DLG2: variants seen among roughly 807,000 people sequenced by gnomAD.
DLG2 encodes the protein disks large homolog 2.
Under a neutral mutation model 132.5 loss-of-function variants are expected in DLG2, and 45 were observed. The observed-to-expected ratio is 0.34, with a 90% CI of 0.27 to 0.44. The LOEUF (loss-of-function observed/expected upper bound fraction) is 0.44, where lower values mean the gene tolerates loss of function less well. Among genes scored for constraint, DLG2 ranks in the 20% least tolerant of loss-of-function variants. The pLI is 1.00. For synonymous variants in DLG2, 424 were observed against 419.6 expected (o/e 1.01, Z -0.13); for missense variants, 1,045 against 1,196.9 (o/e 0.87, Z 1.87).
chr11:83,902,788 CT>C (rs1027380911), intron 15 of DLG2, among the ~76,000 whole-genome samples: 1 of 152,050 alleles, frequency 6.6e-6, no homozygotes, highest in Middle Eastern at 3.2e-3. Flanking sequence ...TTTCCTGCCC[CT>C]GAGGATAAAA....
intron 6 of DLG2, among the ~76,000 whole-genome samples, chr11:84,804,511 T>G (rs1296787567): frequency 6.6e-6 from 1 of 152,150 alleles, no homozygotes; most frequent in Non-Finnish European, 1.5e-5. Flanking sequence ...AAGGAAGCAG[T>G]TAAAACAACT....
rs978777300 is a variant in DLG2 at position 84,558,089 on chromosome 11, A to C, written c.358-23358T>G. The stretch of plus-strand genomic sequence containing the variant: ...TATATGTAAGGGGTGAGAAAGATAA[A>C]GGAGTCAAGGATCATTCAAAGATTT... On this transcript the variant is annotated intron_variant, in intron 6 of 27. Coordinates refer to ENST00000376104, the MANE Select transcript of DLG2 (RefSeq NM_001142699.3). Among the ~76,000 whole-genome samples, 6 of 152,204 alleles carry C rather than the reference A, an allele frequency of 3.9e-5. No individual in the cohort carries two copies. The South Asian group carries it at 1.2e-3, about 31-fold the overall frequency.
At chr11:85,606,452 A>G (rs1227361127) in intron 2 of DLG2, among the ~76,000 whole-genome samples, 1 of 152,212 alleles carries the variant, frequency 6.6e-6, no homozygotes, top group Non-Finnish European at 1.5e-5. Context: ...TAATGCACCA[A>G]TCAGCACTTG....
chr11:84,775,750 T>A lies in DLG2; in HGVS notation c.358-241019A>T, dbSNP rs2070360786. Among the ~76,000 whole-genome samples, 6 of 152,160 alleles carry A rather than the reference T, an allele frequency of 3.9e-5. No individual in the cohort carries two copies. In the South Asian group the frequency reaches 1.2e-3, roughly 31 times the overall value. ...GACACTGGGTACTACTGGAGGGGGA[T>A]GGTACAGCAAGGGGCAAGGTTGAAA... On this transcript the variant is annotated intron_variant, in intron 6 of 27. Transcript: ENST00000376104.
intron 17 of DLG2, among the ~76,000 whole-genome samples, chr11:83,793,488 G>A (rs1008282571): frequency 1.3e-5 from 2 of 152,068 alleles, no homozygotes; most frequent in Non-Finnish European, 2.9e-5. Flanking sequence ...ACAATTTCTT[G>A]GACGTTTCCT....
At chr11:83,862,597 C>A (rs1474741717) in intron 16 of DLG2, among the ~76,000 whole-genome samples, 2 of 151,510 alleles carry the variant, frequency 1.3e-5, no homozygotes, top group African/African-American at 4.9e-5. Context: ...AATTAAAGTG[C>A]ATAATTGGAT....
At chr11:84,586,662 T>A (rs148865950) in intron 6 of DLG2, among the ~76,000 whole-genome samples, 1,847 of 152,278 alleles carry the variant, frequency 0.012, 29 homozygotes, top group Middle Eastern at 0.037. Context: ...TTTGTTTTTG[T>A]CATACACTTT....
chr11:83,499,876 T>TATAG (rs1371512953), intron 21 of DLG2, among the ~76,000 whole-genome samples: 19 of 122,102 alleles, frequency 1.6e-4, no homozygotes, highest in Non-Finnish European at 2.7e-4. Context: ...TATATATATA[T>TATAG]ATATATATAT....
At chr11:84,655,055 C>T (rs1682671304) in intron 6 of DLG2, among the ~76,000 whole-genome samples, 1 of 152,110 alleles carries the variant, frequency 6.6e-6, no homozygotes, top group African/African-American at 2.4e-5. Flanking sequence ...AATTGAAGTT[C>T]CATGTGTAAT....
chr11:85,174,272 T>G (rs2079070413), intron 4 of DLG2, among the ~76,000 whole-genome samples: 1 of 152,170 alleles, frequency 6.6e-6, no homozygotes, highest in Non-Finnish European at 1.5e-5. Flanking sequence ...ACAAACAGCC[T>G]TTCATACCAA....
At chr11:84,957,082 C>T (rs887436645) in intron 6 of DLG2, among the ~76,000 whole-genome samples, 8 of 152,094 alleles carry the variant, frequency 5.3e-5, no homozygotes, top group Non-Finnish European at 1.0e-4. Flanking sequence ...ACTAATTTTA[C>T]CCTTACAACA....
chr11:85,024,549 G>T (rs1041144902), intron 6 of DLG2, among the ~76,000 whole-genome samples: 2 of 152,136 alleles, frequency 1.3e-5, no homozygotes, highest in Non-Finnish European at 2.9e-5. Context: ...AAGCCCAAAA[G>T]AAACGAATAA....
chr11:85,508,827 C>G (rs895142615), intron 3 of DLG2, among the ~76,000 whole-genome samples: 1 of 151,936 alleles, frequency 6.6e-6, no homozygotes, highest in South Asian at 2.1e-4. Flanking sequence ...TAGCACCTAG[C>G]TTAGCATCTG....
chr11:85,140,760 A>C (rs549586957), intron 5 of DLG2, among the ~76,000 whole-genome samples: 1 of 151,896 alleles, frequency 6.6e-6, no homozygotes, highest in African/African-American at 2.4e-5. Flanking sequence ...TTAGGTAGCC[A>C]TCATTATACT....
intron 7 of DLG2, among the ~76,000 whole-genome samples, chr11:84,406,015 T>C (rs1244955303): frequency 6.6e-6 from 1 of 152,176 alleles, no homozygotes; most frequent in African/African-American, 2.4e-5. Context: ...GTCACAGTTT[T>C]GTTATTCACT....
chr11:84,442,773 T>C (rs938824458), intron 7 of DLG2, among the ~76,000 whole-genome samples: 2 of 152,042 alleles, frequency 1.3e-5, no homozygotes, highest in African/African-American at 2.4e-5. Flanking sequence ...AAATGTATGA[T>C]GCTCAGGGAT....
chr11:85,496,160 G>C (rs911663034), intron 3 of DLG2, among the ~76,000 whole-genome samples: 1 of 152,162 alleles, frequency 6.6e-6, no homozygotes, highest in Non-Finnish European at 1.5e-5. Flanking sequence ...GGGAAGCCAT[G>C]AGTTACTGTA....
chr11:85,477,476 C>T (rs1251850331), intron 3 of DLG2, among the ~76,000 whole-genome samples: 5 of 152,182 alleles, frequency 3.3e-5, no homozygotes, highest in Non-Finnish European at 5.9e-5. Context: ...TATTCTACTA[C>T]TACGGAAGAT....
rs1361367461 is a variant in DLG2 at position 84,602,581 on chromosome 11, C to T, written c.358-67850G>A. Among the ~76,000 whole-genome samples, 4 of 152,066 alleles carry T rather than the reference C, an allele frequency of 2.6e-5. No homozygotes were observed. In the South Asian group the frequency reaches 6.2e-4, roughly 24 times the overall value. On this transcript the variant is annotated intron_variant, in intron 6 of 27. Coordinates refer to ENST00000376104, the MANE Select transcript of DLG2 (RefSeq NM_001142699.3). Reference sequence around the variant, plus strand: ...GCTCTGTAAACCATATACCAGTGATCCCATCTACATATATTAAAACAACCT... The same window carrying T: ...GCTCTGTAAACCATATACCAGTGATTCCATCTACATATATTAAAACAACCT...
Sources: allele counts gnomAD v4.1 joint callset (sites outside exome capture counted in the v4.1 genomes callset), GRCh38; gene constraint gnomAD v4.1.1; transcripts MANE v1.5; gene names NCBI Gene and HGNC (gene_info 2026-07-23, HGNC 2026-07-21).